PGAP6: variants seen among roughly 807,000 people sequenced by gnomAD.
PGAP6 encodes the protein post-GPI attachment to proteins factor 6.
A neutral mutation model predicts 68.4 loss-of-function variants in PGAP6; 62 were observed. That is an observed-to-expected ratio of 0.91 (90% confidence interval 0.74 to 1.12). The LOEUF (loss-of-function observed/expected upper bound fraction) is 1.12, where lower values mean the gene tolerates loss of function less well. PGAP6 is among the 50% of genes most tolerant of loss of function. The pLI, the probability that PGAP6 is intolerant of heterozygous loss-of-function variation, is 0.00. For synonymous variants in PGAP6, 575 were observed against 474.0 expected (o/e 1.21, Z -2.77); for missense variants, 1,188 against 1,068.5 (o/e 1.11, Z -1.56).
At chr16:382,478 G>A (rs1241999639), upstream of PGAP6, 42 of 371,536 alleles carry the variant, frequency 1.1e-4, no homozygotes, top group East Asian at 1.6e-3. Context: ...GCCGCTGCAG[G>A]TGCGTGTCAG....
rs768958935 is a variant in PGAP6 at position 376,551 on chromosome 16, G to A, written c.897C>T (p.Ala299=). The A allele has an allele frequency of 3.2e-6, 5 of 1,546,698 alleles. No individual in the cohort carries two copies. The highest frequency in any genetic ancestry group is 1.9e-5 in the Admixed American group (1 of 52,356). The change falls in exon 5 of 13, where the codon GCC becomes GCT. Residue 299 remains alanine (A), a synonymous_variant. Transcript: ENST00000431232. ...LGTVAFSAVA[A]LTACRPRSVT... ...AGCCCTTGTGCGGCCCACCTGTGAG[G>A]GCAGCTACAGCACTGAAAGCCACTG...
chr16:382,243 C>T, upstream of PGAP6: 1 of 393,578 alleles, frequency 2.5e-6, no homozygotes, highest in Non-Finnish European at 4.5e-6. Context: ...AGGAAATTCT[C>T]CCCGAGGCGT....
upstream of PGAP6, among the ~76,000 whole-genome samples, chr16:383,855 C>T (rs1452418386): frequency 6.6e-6 from 1 of 150,768 alleles, no homozygotes; most frequent in Non-Finnish European, 1.5e-5. Flanking sequence ...GTTTACGGAG[C>T]GGGGGAGGGG....
In PGAP6 at chr16:372,018, T is replaced by C; in HGVS notation, c.2285A>G (p.Asn762Ser). Residue 762 changes from asparagine to serine, a missense_variant, in exon 13 of 13, where the codon AAC (asparagine) becomes AGC (serine). Transcript: ENST00000431232. ...CACTGCGTACAGTTCCTCCCGATCG[T>C]TCTTGCAGATCTGATAGTGGCAGGG... ...KFPCHYQICK[N>S]DREELYAVT The C allele has an allele frequency of 6.2e-7, 1 of 1,612,696 alleles. No homozygotes were observed. The highest frequency in any genetic ancestry group is 1.3e-5 in the African/African-American group (1 of 75,050).
chr16:385,084 T>C (rs2054472624), upstream of PGAP6, among the ~76,000 whole-genome samples: 1 of 149,706 alleles, frequency 6.7e-6, no homozygotes. Context: ...GAGAATCACT[T>C]GAACCCGGGA....
At position 376,467 on chromosome 16, in the gene PGAP6, A is replaced by ACAAGGGGT; in HGVS notation, c.905-20_905-13dup. On this transcript the variant is annotated splice_polypyrimidine_tract_variant and intron_variant, in intron 5 of 12. Coordinates refer to ENST00000431232, the MANE Select transcript of PGAP6 (RefSeq NM_021259.3). ...CCGTGGCCTGCAAGCTGCCGAGAGG[A>ACAAGGGGT]CAAGGGGTTTGGCTGGAGGAAAGTC... is the stretch of plus-strand genomic sequence containing the variant. 3.2e-6 allele frequency: 5 copies of ACAAGGGGT among 1,556,078 alleles called. No individual in the cohort carries two copies. In the South Asian group the frequency reaches 4.9e-5, roughly 15 times the overall value.
chr16:375,900 G>A (rs1403694993), intron 6 of PGAP6, among the ~76,000 whole-genome samples: 2 of 152,166 alleles, frequency 1.3e-5, no homozygotes, highest in African/African-American at 2.4e-5. Context: ...CGGGCCCTGG[G>A]ACATCCTGCC....
rs748412476 is a variant in PGAP6 at position 377,169 on chromosome 16, G to A, written c.508-5C>T. On this transcript the variant is annotated splice_polypyrimidine_tract_variant and splice_region_variant and intron_variant, in intron 3 of 12. Coordinates refer to ENST00000431232, the MANE Select transcript of PGAP6 (RefSeq NM_021259.3). ...GGCACAGGTGGGAGCCAAGCCCTAG[G>A]GAAAGAACAGGTGTGGGCGGGGGCG... is the stretch of plus-strand genomic sequence containing the variant. 2 of 1,613,274 alleles carry A rather than the reference G, an allele frequency of 1.2e-6. No homozygotes were observed. Among genetic ancestry groups the A allele is most frequent in the Non-Finnish European group, 8.5e-7 (1 of 1,180,008 alleles).
chr16:373,158 G>A (rs2054349818), intron 11 of PGAP6, among the ~76,000 whole-genome samples: 1 of 152,174 alleles, frequency 6.6e-6, no homozygotes, highest in Non-Finnish European at 1.5e-5. Flanking sequence ...ACAGTTCTCT[G>A]CCTATCTGCA....
chr16:377,453 G>A lies in PGAP6; in HGVS notation c.432C>T (p.Asn144=), dbSNP rs186822709. The A allele has an allele frequency of 1.9e-5, 30 of 1,611,014 alleles. No individual in the cohort carries two copies. The African/African-American group carries it at 2.0e-4, about 11-fold the overall frequency. The change falls in exon 3 of 13, where the codon AAC becomes AAT. Residue 144 remains asparagine (N), a synonymous_variant. Coordinates refer to ENST00000431232, the MANE Select transcript of PGAP6 (RefSeq NM_021259.3). ...STTPRSNASV[N]VSHPAPGDWF... ...AGTCCCCGGGGGCCGGGTGGGAAAC[G>A]TTGACGGAGGCATTGCTTCTCGGTG...
rs1166747448 is a variant in PGAP6, at chr16:375,269, C to T, written c.1316-13G>A. ...CCCTGGAAGAAGGCTGCAGGGGAGC[C>T]AGAGGGCCCCATCAGAGGAGGCCGG... On this transcript the variant is annotated splice_polypyrimidine_tract_variant and intron_variant, in intron 7 of 12. Coordinates refer to ENST00000431232, the MANE Select transcript of PGAP6 (RefSeq NM_021259.3). The T allele has an allele frequency of 2.5e-6, 4 of 1,612,724 alleles. No individual in the cohort carries two copies. The highest frequency in any genetic ancestry group is 3.4e-6 in the Non-Finnish European group (4 of 1,179,924).
upstream of PGAP6, among the ~76,000 whole-genome samples, chr16:382,847 G>T (rs964682828): frequency 1.7e-4 from 26 of 152,146 alleles, no homozygotes; most frequent in Admixed American, 1.6e-3. Flanking sequence ...AGCTCACACC[G>T]CAGAGCTCAC....
intron 11 of PGAP6, 71 bp downstream of exon 11, chr16:373,934 C>A: frequency 6.7e-7 from 1 of 1,497,390 alleles, no homozygotes; most frequent in Non-Finnish European, 8.9e-7. Context: ...TCCCACGGTA[C>A]TGCCTTTCGC....
chr16:381,025 C>T (rs2054432822), intron 1 of PGAP6, among the ~76,000 whole-genome samples: 1 of 152,264 alleles, frequency 6.6e-6, no homozygotes, highest in East Asian at 1.9e-4. Flanking sequence ...GGAAGGGCTA[C>T]GCCTTCTCCC....
intron 1 of PGAP6, 140 bp from the exon 2 acceptor site, chr16:377,988 G>A (rs1597163653): frequency 4.1e-6 from 3 of 732,064 alleles, no homozygotes; most frequent in Non-Finnish European, 6.6e-6. Flanking sequence ...TCTGACCTTG[G>A]CAAAGGTCAC....
In PGAP6 at chr16:377,436, G is replaced by C. The variant is rs1954952110; in HGVS notation, c.449C>G (p.Pro150Arg). 5.0e-6 allele frequency: 8 copies of C among 1,610,834 alleles called. No homozygotes were observed. Among genetic ancestry groups the C allele is most frequent in the Non-Finnish European group, 6.8e-6 (8 of 1,178,988 alleles). ...NASVNVSHPAPGDWFVAAHLP... is the reference protein window; with the variant it reads ...NASVNVSHPARGDWFVAAHLP... ...GTGGGCGGCCACGAACCAGTCCCCG[G>C]GGGCCGGGTGGGAAACGTTGACGGA... The change falls in exon 3 of 13, where the codon CCC (proline) becomes CGC (arginine). Residue 150 changes from proline to arginine, a missense_variant. Coordinates refer to ENST00000431232, the MANE Select transcript of PGAP6 (RefSeq NM_021259.3).
chr16:385,435 C>G (rs532852249), upstream of PGAP6, among the ~76,000 whole-genome samples: 2 of 148,450 alleles, frequency 1.3e-5, no homozygotes, highest in Non-Finnish European at 3.0e-5. Context: ...CCTCAGCCTC[C>G]CGAGTTGCTG....
intron 3 of PGAP6, 98 bp downstream of exon 3, chr16:377,280 G>A (rs1415604429): frequency 2.5e-6 from 4 of 1,576,980 alleles, no homozygotes; most frequent in Non-Finnish European, 3.4e-6. Flanking sequence ...AGTGCAGCGT[G>A]GAGCCTAGAG....
In PGAP6 at chr16:377,765, G is replaced by C. The variant is rs143766173; in HGVS notation, c.205C>G (p.Arg69Gly). The stretch of plus-strand genomic sequence containing the variant: ...ACAGCATCTGGGGGCACGCGGAAGC[G>C]GAAGAGCCTGGCACTGCCGTACCAG... ...YSWYGSARLF[R>G]FRVPPDAVLL... Residue 69 changes from arginine (R) to glycine (G), a missense_variant, in exon 2 of 13, where the codon CGC becomes GGC. By Grantham distance (125) the Arg-to-Gly change is moderately radical (BLOSUM62 -2). Coordinates refer to ENST00000431232, the MANE Select transcript of PGAP6 (RefSeq NM_021259.3). 2 of 1,590,484 alleles carry C rather than the reference G, an allele frequency of 1.3e-6. No individual in the cohort carries two copies. Among genetic ancestry groups the C allele is most frequent in the African/African-American group, 2.7e-5 (2 of 74,606 alleles).
Sources: gnomAD v4.1 joint callset for allele counts (sites outside exome capture counted in the v4.1 genomes callset) on GRCh38, gnomAD v4.1.1 for gene constraint, MANE v1.5 for transcripts, NCBI Gene and HGNC (gene_info 2026-07-23, HGNC 2026-07-21) for gene names.